Variants in TROAP observed in about 807,000 individuals in gnomAD.
The protein encoded by TROAP is tastin.
TROAP carries 62 observed loss-of-function variants against 83.4 expected under a neutral mutation model. That is an observed-to-expected ratio of 0.74 (90% CI 0.61 to 0.92). TROAP has a LOEUF of 0.92. Ranked by LOEUF, TROAP falls within the 40% of genes least tolerant of loss-of-function variation. The pLI, the probability that TROAP is intolerant of heterozygous loss-of-function variation, is 0.00. For missense variants in TROAP, 876 were observed against 985.1 expected, an observed-to-expected ratio of 0.89 and a Z score of 1.48; for synonymous variants, 352 against 386.4, an observed-to-expected ratio of 0.91 and a Z score of 1.04.
Position 49,329,974 on chromosome 12 carries a change from C to T in TROAP, c.1282C>T (p.Gln428Ter). The T allele has an allele frequency of 6.2e-7, 1 of 1,614,108 alleles. No individual in the cohort carries two copies. ...CCACTCTAACAGAACCCCCAGCCTC[C>T]AGGAGGTGAAGATTCAAGTGAGTCT... is the stretch of plus-strand genomic sequence containing the variant. The part of the protein sequence containing the change: ...GPHSNRTPSL[Q>*]EVKIQRIGIL... Residue 428 changes from glutamine to a stop codon, truncating the protein, a stop_gained, in exon 12 of 15, where the codon CAG becomes TAG. Transcript: ENST00000257909. LOFTEE classifies it high-confidence loss of function. This position sits in a 1 kb window ranked among gnomAD's most constrained non-coding sequence, Gnocchi z 4.5.
chr12:49,323,988 G>T lies in TROAP; in HGVS notation c.288G>T (p.Arg96Ser), dbSNP rs1267417851. The T allele has an allele frequency of 6.2e-7, 1 of 1,614,180 alleles. No homozygotes were observed. Among genetic ancestry groups the T allele is most frequent in the Admixed American group, 1.7e-5 (1 of 60,022 alleles). ...CTCGGAACCCCTTGGAAGAGCTCAG[G>T]CCTAGCCCTAGGGGTCAAAATGTGG... ...SQPRNPLEEL[R>S]PSPRGQNVGP... is the part of the protein sequence containing the mutation. The change falls in exon 3 of 15, where the codon AGG (arginine) becomes AGT (serine). Residue 96 changes from arginine (R) to serine (S), a missense_variant. Arg to Ser is a moderately radical substitution (Grantham distance 110). Coordinates refer to ENST00000257909, the MANE Select transcript of TROAP (RefSeq NM_005480.4).
chr12:49,331,499 CAGAG>C (rs1237670353), intron 14 of TROAP, 70 bp from the exon 15 acceptor site: 7 of 1,612,646 alleles, frequency 4.3e-6, no homozygotes, highest in Non-Finnish European at 5.9e-6. Flanking sequence ...GGCTTCTTCA[CAGAG>C]AGGTCAGCAG....
chr12:49,331,682 C>A lies in TROAP; in HGVS notation c.*65C>A. On this transcript the variant is annotated 3_prime_UTR_variant, in exon 15 of 15. Transcript: ENST00000257909. ...AGCCCTTATTTATTGTCGGTCTGCC[C>A]ATGGGACTGGGAGCCGCCCACTTTT... 6.2e-7 allele frequency: 1 copy of A among 1,605,638 alleles called. No homozygotes were observed.
chr12:49,328,240 T>G (rs1941497221), intron 8 of TROAP, among the ~76,000 whole-genome samples: 1 of 141,626 alleles, frequency 7.1e-6, no homozygotes, highest in African/African-American at 2.8e-5. Context: ...TTTTTTTTTT[T>G]TGAGATGGAG....
chr12:49,324,174 A>G, intron 3 of TROAP, 137 bp downstream of exon 3: 1 of 1,614,116 alleles, frequency 6.2e-7, no homozygotes, highest in South Asian at 1.1e-5. Context: ...CAGCTCCTGG[A>G]AAGCTCTTTG....
chr12:49,329,478 A>G lies in TROAP; in HGVS notation c.1164+24A>G, dbSNP rs1210423337. 6.3e-7 allele frequency: 1 copy of G among 1,594,010 alleles called. No individual in the cohort carries two copies. Among genetic ancestry groups the G allele is most frequent in the East Asian group, 2.2e-5 (1 of 44,804 alleles). On this transcript the variant is annotated intron_variant, in intron 11 of 14. Transcript: ENST00000257909. The surrounding 1 kb of genome is among the most constrained non-coding windows in gnomAD (Gnocchi z 4.5). ...GGGTAAGTATCAGAAGCTTCCCCCTACTGAGATCCCTTGCCCTGTGCTGCC... is the reference window on the plus strand; with the variant it reads ...GGGTAAGTATCAGAAGCTTCCCCCTGCTGAGATCCCTTGCCCTGTGCTGCC...
rs1351050701 is a variant in TROAP, at chr12:49,325,781, C to T, written c.530C>T (p.Thr177Ile). ...GCCTCTGCATATTTGGCCCCCAGAA[C>T]CCCCACCCACCGACTGGACCCTGCC... The part of the protein sequence containing the change: ...VRASAYLAPR[T>I]PTHRLDPARA... The change falls in exon 5 of 15, where the codon ACC becomes ATC. Residue 177 changes from threonine (T) to isoleucine (I), a missense_variant. Physicochemically the swap from Thr to Ile is moderately conservative, Grantham distance 89. This residue lies in a region of TROAP where 689 missense variants were observed against 722.6 expected (regional missense o/e 0.95). Coordinates refer to ENST00000257909, the MANE Select transcript of TROAP (RefSeq NM_005480.4). 1.2e-6 allele frequency: 2 copies of T among 1,613,932 alleles called. No individual in the cohort carries two copies. Among genetic ancestry groups the T allele is most frequent in the East Asian group, 4.5e-5 (2 of 44,898 alleles).
chr12:49,330,035 A>T, intron 12 of TROAP, 44 bp downstream of exon 12: 1 of 1,611,486 alleles, frequency 6.2e-7, no homozygotes, highest in Non-Finnish European at 8.5e-7. Context: ...TTGAACAGTG[A>T]CTGGGCTGAG....
In TROAP at chr12:49,325,802, C is replaced by T. The variant is rs1252945469; in HGVS notation, c.551C>T (p.Pro184Leu). The change falls in exon 5 of 15, where the codon CCT becomes CTT. Residue 184 changes from proline (P) to leucine (L), a missense_variant. By Grantham distance (98) the Pro-to-Leu change is moderately conservative (BLOSUM62 -3). Around this residue, in one of 3 missense-constraint regions of TROAP, gnomAD observed 689 missense variants for 722.6 expected, o/e 0.95. Transcript: ENST00000257909. ...APRTPTHRLDPARASCFSRLE... is the reference protein window; with the variant it reads ...APRTPTHRLDLARASCFSRLE... Reference sequence around the variant, plus strand: ...AGAACCCCCACCCACCGACTGGACCCTGCCAGGGCTTCCTGCTTCTCTAGG... The same window carrying T: ...AGAACCCCCACCCACCGACTGGACCTTGCCAGGGCTTCCTGCTTCTCTAGG... The T allele has an allele frequency of 1.2e-6, 2 of 1,614,154 alleles. No homozygotes were observed. Among genetic ancestry groups the T allele is most frequent in the Non-Finnish European group, 1.7e-6 (2 of 1,180,012 alleles).
Position 49,330,801 on chromosome 12 carries a change from A to G in TROAP, c.1956A>G (p.Arg652=). ...CAGAGCCCTGCACCCTGGAACATAGAAGTCTAGAGTCCAGTCTACCACCCT... is the reference window on the plus strand; with the variant it reads ...CAGAGCCCTGCACCCTGGAACATAGGAGTCTAGAGTCCAGTCTACCACCCT... The part of the protein sequence containing the change: ...GASEPCTLEH[R]SLESSLPPCC... Residue 652 remains arginine (R), a synonymous_variant, in exon 13 of 15, where the codon AGA becomes AGG. Coordinates refer to ENST00000257909, the MANE Select transcript of TROAP (RefSeq NM_005480.4). 6.2e-7 allele frequency: 1 copy of G among 1,613,910 alleles called. No individual in the cohort carries two copies. The highest frequency in any genetic ancestry group is 8.5e-7 in the Non-Finnish European group (1 of 1,179,970).
Position 49,331,410 on chromosome 12 carries a change from G to A in TROAP, c.2292+3G>A. ...TACTCGAATGGCAGGATGCCCTGGT[G>A]AGACTCCAACCCACAGCCCAGCTGT... On this transcript the variant is annotated splice_donor_region_variant and intron_variant, in intron 14 of 14. Transcript: ENST00000257909. 1.2e-6 allele frequency: 2 copies of A among 1,612,212 alleles called. No homozygotes were observed. The highest frequency in any genetic ancestry group is 2.2e-5 in the East Asian group (1 of 44,856).
rs1943500198 is a variant in TROAP at position 49,326,303 on chromosome 12, C to T, written c.716+145C>T. The T allele has an allele frequency of 1.4e-5, 11 of 802,678 alleles. No individual in the cohort carries two copies. The South Asian group carries it at 1.6e-4, about 11-fold the overall frequency. 49.7% of individuals were successfully genotyped at this position (802,678 alleles called of 1,614,324 possible). The stretch of plus-strand genomic sequence containing the variant: ...GGGGAAGCAAGAAACCTGTGATTAC[C>T]CGGGATGAGCCCTTGGGATAGGGTT... On this transcript the variant is annotated intron_variant, in intron 6 of 14. Transcript: ENST00000257909.
Position 49,327,449 on chromosome 12 carries a change from A to AT in TROAP, c.891+120dup. On this transcript the variant is annotated intron_variant, in intron 8 of 14. Coordinates refer to ENST00000257909, the MANE Select transcript of TROAP (RefSeq NM_005480.4). ...GAGCCAGGAAGTCCTGGGCCTCAGG[A>AT]TGTTACTGGGTAGGTTTACCCCAGA... is the stretch of plus-strand genomic sequence containing the variant. 2.8e-6 allele frequency: 4 copies of AT among 1,431,174 alleles called. No homozygotes were observed. In the South Asian group the frequency reaches 5.2e-5, roughly 19 times the overall value. The allele number at this position is 1,431,174 out of a possible 1,614,324, so 88.7% of individuals were successfully genotyped here. A position where few individuals can be genotyped will look rare whatever the true frequency, so the allele number is the denominator to read the frequency against.
rs75808998 is a variant in TROAP at position 49,331,078 on chromosome 12, C to T, written c.2098+135C>T. On this transcript the variant is annotated intron_variant, in intron 13 of 14. Transcript: ENST00000257909. ...ACCCTGGCCCAGCCTGGCTCTCCCT[C>T]AGGAAGAGGGGAGGGGCTGCACTTC... The T allele has an allele frequency of 8.4e-3, 12,906 of 1,535,158 alleles. 548 individuals carry two copies. In the African/African-American group the frequency reaches 0.12, roughly 14 times the overall value.
Position 49,329,290 on chromosome 12 carries a change from G to A in TROAP, c.1104+46G>A. 1 of 1,613,444 alleles carries A rather than the reference G, an allele frequency of 6.2e-7. No individual in the cohort carries two copies. The highest frequency in any genetic ancestry group is 8.5e-7 in the Non-Finnish European group (1 of 1,179,334). On this transcript the variant is annotated intron_variant, in intron 10 of 14. Coordinates refer to ENST00000257909, the MANE Select transcript of TROAP (RefSeq NM_005480.4). This position sits in a 1 kb window ranked among gnomAD's most constrained non-coding sequence, Gnocchi z 4.5. Reference sequence around the variant, plus strand: ...GTGGCTGGCATAAGTCACAGCTAGGGGAGAAAGGAGATGGATGGGTACAGG... The same window carrying A: ...GTGGCTGGCATAAGTCACAGCTAGGAGAGAAAGGAGATGGATGGGTACAGG...
At position 49,329,018 on chromosome 12, in the gene TROAP, G is replaced by T; in HGVS notation, c.983G>T (p.Arg328Leu). 6.2e-7 allele frequency: 1 copy of T among 1,611,246 alleles called. No homozygotes were observed. Among genetic ancestry groups the T allele is most frequent in the African/African-American group, 1.3e-5 (1 of 74,960 alleles). Residue 328 changes from arginine (R) to leucine (L), a missense_variant, in exon 9 of 15, where the codon CGG (arginine) becomes CTG (leucine). Coordinates refer to ENST00000257909, the MANE Select transcript of TROAP (RefSeq NM_005480.4). This position sits in a 1 kb window ranked among gnomAD's most constrained non-coding sequence, Gnocchi z 4.5. ...HVVPCPSPFG[R>L]AQRVPSPGPP... is the part of the protein sequence containing the mutation. ...GTGCCATGTCCATCACCCTTTGGACGGGCTCAGCGTGTACCCTCCCCAGGC... is the reference window on the plus strand; with the variant it reads ...GTGCCATGTCCATCACCCTTTGGACTGGCTCAGCGTGTACCCTCCCCAGGC...
rs1360913556 is a variant in TROAP at position 49,323,645 on chromosome 12, C to CGGGGTG, written c.38_43dup (p.Gly14_Val15insGlyGly). 1.9e-6 allele frequency: 3 copies of CGGGGTG among 1,614,092 alleles called. No individual in the cohort carries two copies. In the East Asian group the frequency reaches 6.7e-5, roughly 36 times the overall value. Reference sequence around the variant, plus strand: ...GCAAGCCACGAAGGATCCCCTCCTCCGGGGTGTATCTCCTACCCCTAGCAA... The same window carrying CGGGGTG: ...GCAAGCCACGAAGGATCCCCTCCTCCGGGGTGGGGGTGTATCTCCTACCCCTAGCAA... On this transcript the variant is annotated inframe_insertion, in exon 2 of 15. Coordinates refer to ENST00000257909, the MANE Select transcript of TROAP (RefSeq NM_005480.4).
rs138583371 is a variant in TROAP, at chr12:49,326,826, G to C, written c.769+106G>C. 1.9e-3 allele frequency: 2,364 copies of C among 1,228,498 alleles called. 4 individuals carry two copies. The highest frequency in any genetic ancestry group is 2.4e-3 in the Non-Finnish European group (2,145 of 878,318). 76.1% of individuals were successfully genotyped at this position (1,228,498 alleles called of 1,614,324 possible). On this transcript the variant is annotated intron_variant, in intron 7 of 14. Transcript: ENST00000257909. The stretch of plus-strand genomic sequence containing the variant: ...GGCTGGGAGGGAGCATGAGGAAGTG[G>C]GAGGCCGGGAGGCTAGGTCAGAAGG...
In TROAP at chr12:49,329,372, C is replaced by A; in HGVS notation, c.1105-23C>A. On this transcript the variant is annotated intron_variant, in intron 10 of 14. Transcript: ENST00000257909. The surrounding 1 kb of genome is among the most constrained non-coding windows in gnomAD (Gnocchi z 4.5). ...TGCCATCTGTGGGTGTCAGCCCTTG[C>A]TGACATCTCACTTCTGTGCCAGGCC... 1 of 1,613,118 alleles carries A rather than the reference C, an allele frequency of 6.2e-7. No individual in the cohort carries two copies. The highest frequency in any genetic ancestry group is 8.5e-7 in the Non-Finnish European group (1 of 1,179,400).
Sources: allele counts gnomAD v4.1 joint callset (sites outside exome capture counted in the v4.1 genomes callset), GRCh38; gene constraint gnomAD v4.1.1; regional missense constraint gnomAD v4.1.1; non-coding constraint Gnocchi (gnomAD v3.1); transcripts MANE v1.5; gene names NCBI Gene and HGNC (gene_info 2026-07-23, HGNC 2026-07-21).